Variants in CELA3B observed in about 807,000 individuals in gnomAD.
The protein encoded by CELA3B is chymotrypsin-like elastase family member 3B.
Under a neutral mutation model 37.2 loss-of-function variants are expected in CELA3B, and 34 were observed. The observed-to-expected ratio is 0.91, with a 90% confidence interval of 0.70 to 1.22. The LOEUF is 1.22. CELA3B is among the 50% of genes most tolerant of loss of function. The pLI, the probability that CELA3B is intolerant of heterozygous loss-of-function variation, is 0.00. For missense variants in CELA3B, 340 were observed against 363.1 expected (o/e 0.94, Z 0.52); for synonymous variants, 127 against 143.5 (o/e 0.89, Z 0.82).
intron 7 of CELA3B, among the ~76,000 whole-genome samples, chr1:21,988,484 G>C (rs994940020): frequency 2.6e-5 from 4 of 150,972 alleles, no homozygotes; most frequent in Admixed American, 6.6e-5. Flanking sequence ...TCAGCTACTT[G>C]GGAGGCTGAG....
chr1:21,987,110 A>G (rs1021097929), intron 7 of CELA3B: 19 of 366,146 alleles, frequency 5.2e-5, no homozygotes, highest in Middle Eastern at 5.7e-4. Context: ...GAGAGGACTA[A>G]TAACACTCCT....
At chr1:21,994,894 C>T (rs987287886) in intron 4 of CELA3B, among the ~76,000 whole-genome samples, 7 of 147,990 alleles carry the variant, frequency 4.7e-5, no homozygotes, top group South Asian at 2.1e-4. Context: ...CCCAGCGACT[C>T]GGCAGGCTGA....
rs1245535708 is a variant in CELA3B at position 21,984,283 on chromosome 1, G to C, written c.594G>C (p.Val198=). The change falls in exon 6 of 8, where the codon GTG becomes GTC. Residue 198 remains valine, a synonymous_variant. Transcript: ENST00000337107. The part of the protein sequence containing the change: ...CSRWNWWGSS[V]KKTMVCAGGD... The stretch of plus-strand genomic sequence containing the variant: ...GGTGGAACTGGTGGGGTTCCTCCGT[G>C]AAGAAGACCATGGTGTGTGCTGGAG... 13 of 1,614,148 alleles carry C rather than the reference G, an allele frequency of 8.1e-6. No homozygotes were observed. Among genetic ancestry groups the C allele is most frequent in the Non-Finnish European group, 1.1e-5 (13 of 1,180,006 alleles).
intron 4 of CELA3B, among the ~76,000 whole-genome samples, chr1:21,982,548 G>T (rs1644811848): frequency 6.6e-6 from 1 of 151,852 alleles, no homozygotes; most frequent in African/African-American, 2.4e-5. Context: ...AGTGAGCCGA[G>T]ATCGTGCCAT....
downstream of CELA3B, among the ~76,000 whole-genome samples, chr1:21,992,840 C>T (rs1428643493): frequency 6.6e-6 from 1 of 150,802 alleles, no homozygotes; most frequent in Non-Finnish European, 1.5e-5. Context: ...TGACACATGC[C>T]TGTAGTCCCA....
At chr1:21,986,134 C>T (rs1439619258) in intron 6 of CELA3B, among the ~76,000 whole-genome samples, 1 of 150,574 alleles carries the variant, frequency 6.6e-6, no homozygotes, top group Non-Finnish European at 1.5e-5. Context: ...TTTGGGAGGC[C>T]CCGGCAGGTG....
At chr1:21,981,842 C>T (rs2152815928) in intron 4 of CELA3B, among the ~76,000 whole-genome samples, 1 of 152,102 alleles carries the variant, frequency 6.6e-6, no homozygotes, top group East Asian at 1.9e-4. Context: ...TCTCCTGCCT[C>T]AGCGTCCCGA....
At chr1:21,993,093 TG>T (rs1481430638), downstream of CELA3B, among the ~76,000 whole-genome samples, 3 of 151,472 alleles carry the variant, frequency 2.0e-5, no homozygotes, top group African/African-American at 7.3e-5. Flanking sequence ...CATGCTTTGA[TG>T]TATTTCCGCA....
At chr1:21,997,379 C>T (rs1419890771) in intron 4 of CELA3B, among the ~76,000 whole-genome samples, 1 of 101,682 alleles carries the variant, frequency 9.8e-6, no homozygotes, top group Non-Finnish European at 2.0e-5. Flanking sequence ...AAGACAAGAG[C>T]AAGACTCGTC....
chr1:21,995,056 T>G (rs1391742962), intron 4 of CELA3B, among the ~76,000 whole-genome samples: 1 of 147,890 alleles, frequency 6.8e-6, no homozygotes, highest in Non-Finnish European at 1.5e-5. Context: ...CAGAGTGTCC[T>G]GTTGTTTGCA....
At chr1:21,992,286 A>C (rs1644871981), downstream of CELA3B, among the ~76,000 whole-genome samples, 1 of 151,834 alleles carries the variant, frequency 6.6e-6, no homozygotes, top group East Asian at 1.9e-4. Flanking sequence ...CCCGCTACTC[A>C]GGAGGTGGAG....
Position 21,984,208 on chromosome 1 carries a change from C to A in CELA3B, c.519C>A (p.Asp173Glu), listed in dbSNP as rs142354011. 8 of 1,613,806 alleles carry A rather than the reference C, an allele frequency of 5.0e-6. No homozygotes were observed. The highest frequency in any genetic ancestry group is 1.7e-5 in the Admixed American group (1 of 59,972). Residue 173 changes from aspartate to glutamate, a missense_variant, in exon 6 of 8, where the codon GAC becomes GAA. Asp to Glu is a conservative substitution (Grantham distance 45). Coordinates refer to ENST00000337107, the MANE Select transcript of CELA3B (RefSeq NM_007352.4). Reference sequence around the variant, plus strand: ...CTGCAGCCAACGGGCCACTCCCAGACAAGCTGCAGGAGGCCCTGCTGCCGG... The same window carrying A: ...CTGCAGCCAACGGGCCACTCCCAGAAAAGCTGCAGGAGGCCCTGCTGCCGG... The part of the protein sequence containing the change: ...GRLYTNGPLP[D>E]KLQEALLPVV...
At position 21,996,176 on chromosome 1, in the gene CELA3B, G is replaced by A. The variant is rs368984582; in HGVS notation, c.505-1975G>A. Among the ~76,000 whole-genome samples, 48 of 151,350 alleles carry A rather than the reference G, an allele frequency of 3.2e-4. 2 individuals are homozygous for A. In the East Asian group the frequency reaches 7.8e-3, roughly 25 times the overall value. ...TGCAGTGAGCCGAGATCGCGCCACT[G>A]TACTCCAGCCTGAGCGACAGCCAGG... On this transcript the variant is annotated intron_variant, in intron 4 of 4. Coordinates refer to the CELA3B transcript ENST00000400277.
chr1:21,982,904 C>T (rs1644813532), intron 4 of CELA3B, among the ~76,000 whole-genome samples: 1 of 152,138 alleles, frequency 6.6e-6, no homozygotes, highest in Non-Finnish European at 1.5e-5. Flanking sequence ...TGGTCTCAAT[C>T]TCTTAACCTC....
chr1:21,987,906 G>A lies in CELA3B; in HGVS notation c.795+1223G>A, dbSNP rs59473818. The stretch of plus-strand genomic sequence containing the variant: ...AAGGATGACATGCAAAGTCATGAAG[G>A]CTTCCATTAAAAAAACATTTCTGGC... On this transcript the variant is annotated intron_variant, in intron 7 of 7. Coordinates refer to ENST00000337107, the MANE Select transcript of CELA3B (RefSeq NM_007352.4). 2.5e-4 allele frequency: 38 copies of A among 151,184 alleles called. 1 individual carries two copies. Among genetic ancestry groups the A allele is most frequent in the African/African-American group, 8.5e-4 (35 of 41,016 alleles). The allele number at this position is 151,184 out of a possible 1,614,324, so 9.4% of individuals were successfully genotyped here.
Position 21,978,395 on chromosome 1 carries a change from C to T in CELA3B, c.70C>T (p.Arg24Cys), listed in dbSNP as rs140120229. 43 of 1,614,096 alleles carry T rather than the reference C, an allele frequency of 2.7e-5. No homozygotes were observed. The highest frequency in any genetic ancestry group is 4.0e-5 in the African/African-American group (3 of 75,074). Residue 24 changes from arginine to cysteine, a missense_variant, in exon 2 of 8, where the codon CGC becomes TGC. Coordinates refer to ENST00000337107, the MANE Select transcript of CELA3B (RefSeq NM_007352.4). Reference protein sequence around the residue: ...VASGYGPPSSRPSSRVVNGED... With the variant: ...VASGYGPPSSCPSSRVVNGED... ...CTCAGGCTATGGCCCACCTTCCTCT[C>T]GCCCTTCCAGCCGCGTTGTCAATGG...
downstream of CELA3B, chr1:21,989,435 G>A (rs1327428420): frequency 3.2e-6 from 2 of 619,186 alleles, no homozygotes; most frequent in Non-Finnish European, 5.6e-6. Context: ...TGCAGAGACA[G>A]GACCAGGTCC....
At chr1:21,984,496 G>T (rs2152816432) in intron 6 of CELA3B, among the ~76,000 whole-genome samples, 165 bp downstream of exon 6, 1 of 152,026 alleles carries the variant, frequency 6.6e-6, no homozygotes, top group African/African-American at 2.4e-5. Context: ...CAGAGCCCAG[G>T]CCTGGGAGTC....
At chr1:21,997,340 C>T (rs1441589985) in intron 4 of CELA3B, among the ~76,000 whole-genome samples, 7 of 70,054 alleles carry the variant, frequency 1.0e-4, no homozygotes, top group Admixed American at 8.6e-4. Flanking sequence ...CAGTCTGGCA[C>T]GACTCATCTC....
Sources: gnomAD v4.1 joint callset for allele counts (sites outside exome capture counted in the v4.1 genomes callset) on GRCh38, gnomAD v4.1.1 for gene constraint, MANE v1.5 for transcripts, NCBI Gene and HGNC (gene_info 2026-07-23, HGNC 2026-07-21) for gene names.